Variants in CUX2 observed in about 807,000 individuals in gnomAD.
CUX2 encodes the protein cut like homeobox 2.
CUX2 carries 40 observed loss-of-function variants against 144.8 expected under a neutral mutation model. The ratio of observed to expected loss-of-function variants is 0.28; its 90% CI spans 0.21 to 0.36. The LOEUF (loss-of-function observed/expected upper bound fraction) is 0.36, where lower values mean the gene tolerates loss of function less well. Ranked by LOEUF, CUX2 falls within the 10% of genes least tolerant of loss-of-function variation. The pLI, the probability that CUX2 is intolerant of heterozygous loss-of-function variation, is 1.00. For synonymous variants in CUX2, 827 were observed against 875.6 expected (o/e 0.94, Z 0.98); for missense variants, 1,615 against 1,994.0 (o/e 0.81, Z 3.62).
Position 111,311,964 on chromosome 12 carries a change from G to A in CUX2, c.1901-136G>A, listed in dbSNP as rs551478641. ...GCCCACAGTTTGTTACATAGACTAA[G>A]CAGTGGCCCTGCCATCTCACTGATG... is the stretch of plus-strand genomic sequence containing the variant. On this transcript the variant is annotated intron_variant, in intron 15 of 21. Coordinates refer to ENST00000261726, the MANE Select transcript of CUX2 (RefSeq NM_015267.4). 9.8e-5 allele frequency: 60 copies of A among 610,336 alleles called. 2 individuals are homozygous for A. Among genetic ancestry groups the A allele is most frequent in the South Asian group, 7.6e-4 (35 of 46,096 alleles). The allele number at this position is 610,336 out of a possible 1,614,324, so 37.8% of individuals were successfully genotyped here.
At position 111,154,338 on chromosome 12, in the gene CUX2, C is replaced by T. The variant is rs548634370; in HGVS notation, c.64-59862C>T. ...CCCTCCTGGAGCGAGACTTCAGATC[C>T]GAGTTCACATGTTTGCGGCAATCTG... On this transcript the variant is annotated intron_variant, in intron 1 of 21. Transcript: ENST00000261726. Among the ~76,000 whole-genome samples, 9 of 152,198 alleles carry T rather than the reference C, an allele frequency of 5.9e-5. No individual in the cohort carries two copies. The South Asian group carries it at 6.2e-4, about 11-fold the overall frequency.
chr12:111,214,050 C>T, intron 1 of CUX2, 150 bp from the exon 2 acceptor site: 1 of 402,146 alleles, frequency 2.5e-6, no homozygotes, highest in Non-Finnish European at 4.5e-6. Flanking sequence ...TTTATTTGTG[C>T]CAGGAGTCAA....
chr12:111,313,705 A>C (rs1039746130), intron 16 of CUX2, among the ~76,000 whole-genome samples: 11 of 152,120 alleles, frequency 7.2e-5, no homozygotes, highest in African/African-American at 2.7e-4. Context: ...GTGAGGATCA[A>C]ATGAGGTCAG....
At chr12:111,205,826 C>G (rs1043700976) in intron 1 of CUX2, among the ~76,000 whole-genome samples, 1 of 152,254 alleles carries the variant, frequency 6.6e-6, no homozygotes, top group Non-Finnish European at 1.5e-5. Context: ...GTTTCCCAGA[C>G]AGACCGGGCT....
chr12:111,136,978 C>A (rs1875933768), intron 1 of CUX2, among the ~76,000 whole-genome samples: 1 of 150,992 alleles, frequency 6.6e-6, no homozygotes, highest in Admixed American at 6.6e-5. Flanking sequence ...CGCTCTGTTG[C>A]CCAGGCTGGA....
chr12:111,331,807 G>T (rs1160347260), intron 18 of CUX2, among the ~76,000 whole-genome samples: 1 of 152,072 alleles, frequency 6.6e-6, no homozygotes, highest in Non-Finnish European at 1.5e-5. Context: ...GGCCCGGCAT[G>T]GTAGTTCAAG....
chr12:111,252,465 A>C (rs372300071), intron 3 of CUX2, among the ~76,000 whole-genome samples: 8 of 152,254 alleles, frequency 5.3e-5, no homozygotes, highest in Admixed American at 5.2e-4. Context: ...TCTGGGGCAC[A>C]TCCTGGGCCT....
At chr12:111,046,792 G>A (rs1170148989) in intron 1 of CUX2, among the ~76,000 whole-genome samples, 1 of 152,152 alleles carries the variant, frequency 6.6e-6, no homozygotes, top group Non-Finnish European at 1.5e-5. Context: ...AAGTAGCTGG[G>A]ATTACAAGCG....
At chr12:111,121,511 G>A (rs1238531705) in intron 1 of CUX2, among the ~76,000 whole-genome samples, 1 of 151,216 alleles carries the variant, frequency 6.6e-6, no homozygotes, top group African/African-American at 2.4e-5. Context: ...CGAGTAGCTG[G>A]GACTACAGGT....
intron 18 of CUX2, among the ~76,000 whole-genome samples, chr12:111,326,735 C>G (rs1370049519): frequency 2.0e-5 from 3 of 152,044 alleles, no homozygotes; most frequent in Non-Finnish European, 4.4e-5. Context: ...GAAATCCCGT[C>G]TCTCCTAAAA....
Position 111,320,323 on chromosome 12 carries a change from A to T in CUX2, c.2314A>T (p.Ile772Phe). ...LSPAAFVQSI[I>F]RKVKSEIGDA... Reference sequence around the variant, plus strand: ...CCCCGCCGCCTTCGTGCAGAGCATCATCCGCAAGGTCAAGTCCGAGATCGG... The same window carrying T: ...CCCCGCCGCCTTCGTGCAGAGCATCTTCCGCAAGGTCAAGTCCGAGATCGG... The change falls in exon 17 of 22, where the codon ATC becomes TTC. Residue 772 changes from isoleucine to phenylalanine, a missense_variant. Ile to Phe is a conservative substitution (Grantham distance 21). This residue lies in a region of CUX2 where 390 missense variants were observed against 387.1 expected (regional missense o/e 1.01). Transcript: ENST00000261726. The surrounding 1 kb of genome is among the most constrained non-coding windows in gnomAD (Gnocchi z 8.1). The T allele has an allele frequency of 6.3e-7, 1 of 1,598,126 alleles. No homozygotes were observed. Among genetic ancestry groups the T allele is most frequent in the Non-Finnish European group, 8.5e-7 (1 of 1,179,178 alleles).
At chr12:111,076,593 G>A (rs1243510196) in intron 1 of CUX2, among the ~76,000 whole-genome samples, 1 of 152,148 alleles carries the variant, frequency 6.6e-6, no homozygotes, top group Non-Finnish European at 1.5e-5. Context: ...GCTCTTCTGG[G>A]GTCTCTCAGT....
intron 18 of CUX2, among the ~76,000 whole-genome samples, chr12:111,333,526 A>G (rs1565928066): frequency 1.3e-5 from 2 of 152,190 alleles, no homozygotes; most frequent in African/African-American, 4.8e-5. Context: ...TCTGAAGAGT[A>G]GAGGCTGTTA....
At chr12:111,134,620 C>CTCTCTGTGTGTGTGTGTGTG (rs1026548098) in intron 1 of CUX2, among the ~76,000 whole-genome samples, 33 of 142,206 alleles carry the variant, frequency 2.3e-4, no homozygotes, top group African/African-American at 8.9e-4. Context: ...CTCTCTCTCT[C>CTCTCTGTGTGTGTGTGTGTG]TGTGTGTGTG....
Position 111,310,034 on chromosome 12 carries a change from G to A in CUX2, c.1259-7G>A, listed in dbSNP as rs1886804710. ...TGTCTGTCTGTCTGTCTGTCTGGGTGTTCTAGAGGAAGACCCATCAGAGGA... is the reference window on the plus strand; with the variant it reads ...TGTCTGTCTGTCTGTCTGTCTGGGTATTCTAGAGGAAGACCCATCAGAGGA... On this transcript the variant is annotated splice_polypyrimidine_tract_variant and splice_region_variant and intron_variant, in intron 14 of 21. Transcript: ENST00000261726. This position sits in a 1 kb window ranked among gnomAD's most constrained non-coding sequence, Gnocchi z 7.9. 4 of 1,314,596 alleles carry A rather than the reference G, an allele frequency of 3.0e-6. No individual in the cohort carries two copies. The allele number at this position is 1,314,596 out of a possible 1,614,324, so 81.4% of individuals were successfully genotyped here.
At chr12:111,278,685 G>C (rs770109093) in intron 4 of CUX2, among the ~76,000 whole-genome samples, 1 of 152,206 alleles carries the variant, frequency 6.6e-6, no homozygotes, top group Non-Finnish European at 1.5e-5. Flanking sequence ...GATTCCCTTG[G>C]TGTTCCATGG....
At chr12:111,130,496 C>T (rs1875398736) in intron 1 of CUX2, among the ~76,000 whole-genome samples, 1 of 152,216 alleles carries the variant, frequency 6.6e-6, no homozygotes, top group Non-Finnish European at 1.5e-5. Flanking sequence ...CAGTTATACC[C>T]TTTGTATTTA....
rs1870576613 is a variant in CUX2, at chr12:111,057,452, G to T, written c.63+23212G>T. ...TGGAAGTGGGCCTGCCAGTGACAGG[G>T]CCCTAGATGCTGACAGCACCACCTT... On this transcript the variant is annotated intron_variant, in intron 1 of 21. Transcript: ENST00000261726. This position sits in a 1 kb window ranked among gnomAD's most constrained non-coding sequence, Gnocchi z 5.1. Among the ~76,000 whole-genome samples the T allele has an allele frequency of 6.6e-6, 1 of 152,158 alleles. No homozygotes were observed.
chr12:111,096,331 C>T (rs1156489343), intron 1 of CUX2, among the ~76,000 whole-genome samples: 1 of 152,182 alleles, frequency 6.6e-6, no homozygotes, highest in Non-Finnish European at 1.5e-5. Context: ...GCTGTTCTAT[C>T]CCCTACCCCT....
Sources: gnomAD v4.1 joint callset for allele counts (sites outside exome capture counted in the v4.1 genomes callset) on GRCh38, gnomAD v4.1.1 for gene constraint, gnomAD v4.1.1 regional missense constraint, Gnocchi (gnomAD v3.1) non-coding constraint, MANE v1.5 for transcripts, NCBI Gene and HGNC (gene_info 2026-07-23, HGNC 2026-07-21) for gene names.